Variants in WDR64 observed in about 807,000 individuals in gnomAD.
WDR64 encodes WD repeat-containing protein 64.
WDR64 carries 112 observed loss-of-function variants against 139.3 expected under a neutral mutation model. The ratio of observed to expected loss-of-function variants is 0.80; its 90% CI spans 0.69 to 0.94. WDR64 has a LOEUF of 0.94. Among genes scored for constraint, WDR64 ranks in the 40% least tolerant of loss-of-function variants. The probability of loss-of-function intolerance (pLI) is 0.00; values close to 1 mark genes in which losing one functional copy is unlikely to be tolerated. For missense variants in WDR64, 1,206 were observed against 1,293.1 expected (o/e 0.93, Z 1.03); for synonymous variants, 444 against 437.7 (o/e 1.01, Z -0.18).
chr1:241,688,928 C>G (rs1417028209), intron 8 of WDR64, among the ~76,000 whole-genome samples: 1 of 152,078 alleles, frequency 6.6e-6, no homozygotes, highest in Non-Finnish European at 1.5e-5. Flanking sequence ...GAAAAGGCAC[C>G]ATTTTGAAAC....
chr1:241,783,353 C>T lies in WDR64; in HGVS notation c.2677C>T (p.Leu893Phe). ...VIYVEEKQVV[L>F]TASIDGSVRL... ...CTATGTAGAAGAAAAACAAGTGGTA[C>T]TTACTGCCTCCATCGATGGCTCAGT... The change falls in exon 23 of 28, where the codon CTT (leucine) becomes TTT (phenylalanine). Residue 893 changes from leucine to phenylalanine, a missense_variant. Physicochemically the swap from Leu to Phe is conservative, Grantham distance 22 (BLOSUM62 0). Transcript: ENST00000437684. The T allele has an allele frequency of 6.2e-7, 1 of 1,614,004 alleles. No individual in the cohort carries two copies. The highest frequency in any genetic ancestry group is 8.5e-7 in the Non-Finnish European group (1 of 1,179,960).
intron 9 of WDR64, among the ~76,000 whole-genome samples, chr1:241,715,548 G>A (rs1010469572): frequency 1.3e-5 from 2 of 152,136 alleles, no homozygotes; most frequent in Non-Finnish European, 2.9e-5. Context: ...TCCTCCTGTC[G>A]CCGTTGCATG....
At chr1:241,728,734 C>A (rs1156902510) in intron 10 of WDR64, among the ~76,000 whole-genome samples, 2 of 152,072 alleles carry the variant, frequency 1.3e-5, no homozygotes, top group African/African-American at 4.8e-5. Context: ...TCTTCACTTA[C>A]TTTCATTTCA....
intron 21 of WDR64, among the ~76,000 whole-genome samples, chr1:241,779,565 C>T (rs762296198): frequency 5.3e-5 from 8 of 152,162 alleles, no homozygotes; most frequent in Non-Finnish European, 1.0e-4. Context: ...GAGGCCCATG[C>T]CTGTAATCCC....
Position 241,688,374 on chromosome 1 carries a change from C to T in WDR64, c.974+779C>T, listed in dbSNP as rs1051478156. Among the ~76,000 whole-genome samples, 3 of 152,142 alleles carry T rather than the reference C, an allele frequency of 2.0e-5. No homozygotes were observed. The Middle Eastern group carries it at 0.01, about 521-fold the overall frequency. The stretch of plus-strand genomic sequence containing the variant: ...CGACTGTTGATTGTTACACAATTCT[C>T]TAAATTTACTAAAAATTATTGAGTT... On this transcript the variant is annotated intron_variant, in intron 8 of 27. Coordinates refer to ENST00000437684, the MANE Select transcript of WDR64 (RefSeq NM_001367482.1).
chr1:241,769,452 G>T lies in WDR64; in HGVS notation c.2130G>T (p.Lys710Asn). The T allele has an allele frequency of 3.9e-6, 6 of 1,551,444 alleles. No individual in the cohort carries two copies. Among genetic ancestry groups the T allele is most frequent in the Non-Finnish European group, 5.2e-6 (6 of 1,146,976 alleles). The change falls in exon 17 of 28, where the codon AAG (lysine) becomes AAT (asparagine). Residue 710 changes from lysine to asparagine, a missense_variant. Transcript: ENST00000437684. ...CTGTAAACCCTGACTTGCATCCCAA[G>T]CACTTTAAAATTAATGACATACTGT... ...CFTVNPDLHPKHFKINDILFL... is the reference protein window; with the variant it reads ...CFTVNPDLHPNHFKINDILFL...
chr1:241,659,833 A>C (rs541798038), intron 1 of WDR64, among the ~76,000 whole-genome samples: 3 of 152,278 alleles, frequency 2.0e-5, no homozygotes, highest in Admixed American at 2.0e-4. Flanking sequence ...GATAGATTGC[A>C]AAAATTTTCT....
chr1:241,663,045 A>G (rs893763651), intron 2 of WDR64, among the ~76,000 whole-genome samples: 1 of 152,218 alleles, frequency 6.6e-6, no homozygotes, highest in Non-Finnish European at 1.5e-5. Flanking sequence ...ACATGGAAGA[A>G]TCAATAATTT....
At chr1:241,736,887 T>A (rs1669349132) in intron 10 of WDR64, among the ~76,000 whole-genome samples, 1 of 152,180 alleles carries the variant, frequency 6.6e-6, no homozygotes, top group African/African-American at 2.4e-5. Flanking sequence ...ACCCTAATCC[T>A]CCTTTGCCTA....
chr1:241,729,398 T>C (rs1239416907), intron 10 of WDR64, among the ~76,000 whole-genome samples: 1 of 152,216 alleles, frequency 6.6e-6, no homozygotes. Context: ...TGTCATTGCC[T>C]TCTCACATAT....
At chr1:241,696,824 T>C (rs12136767) in intron 8 of WDR64, among the ~76,000 whole-genome samples, 40,114 of 152,056 alleles carry the variant, frequency 0.26, 5,651 homozygotes, top group Non-Finnish European at 0.32. Context: ...GGGACCTGTA[T>C]CTTGTGTTGA....
At chr1:241,746,893 G>A (rs542898377) in intron 13 of WDR64, among the ~76,000 whole-genome samples, 1 of 151,970 alleles carries the variant, frequency 6.6e-6, no homozygotes, top group East Asian at 1.9e-4. Context: ...CTGAGTAGCT[G>A]GGACTACAGA....
chr1:241,654,429 A>G (rs1665494231), intron 1 of WDR64, among the ~76,000 whole-genome samples: 1 of 152,226 alleles, frequency 6.6e-6, no homozygotes, highest in African/African-American at 2.4e-5. Context: ...TATAGTTGCC[A>G]AATTCAATAA....
chr1:241,670,660 T>C (rs1666190852), intron 2 of WDR64, among the ~76,000 whole-genome samples: 1 of 152,102 alleles, frequency 6.6e-6, no homozygotes, highest in African/African-American at 2.4e-5. Flanking sequence ...AGGTGATCAG[T>C]GGGGGAGAGA....
intron 7 of WDR64, among the ~76,000 whole-genome samples, chr1:241,685,630 T>C (rs1574007064): frequency 1.3e-5 from 2 of 152,200 alleles, no homozygotes; most frequent in East Asian, 3.9e-4. Flanking sequence ...AACAAATACT[T>C]TATCCCAGAG....
chr1:241,792,972 G>C (rs972053971), intron 25 of WDR64, among the ~76,000 whole-genome samples: 1 of 152,180 alleles, frequency 6.6e-6, no homozygotes, highest in Non-Finnish European at 1.5e-5. Context: ...CCTGAAAGCA[G>C]CCTAAGTGCT....
intron 10 of WDR64, among the ~76,000 whole-genome samples, chr1:241,726,733 A>G (rs571319140): frequency 1.3e-5 from 2 of 149,352 alleles, no homozygotes; most frequent in African/African-American, 4.9e-5. Flanking sequence ...ATCAATTTTA[A>G]AACATAACGT....
chr1:241,655,711 T>TTTTTC (rs1665567658), intron 1 of WDR64, among the ~76,000 whole-genome samples: 2 of 27,208 alleles, frequency 7.4e-5, no homozygotes, highest in African/African-American at 2.2e-4. Flanking sequence ...TTTTCTTTTT[T>TTTTTC]TTTTTTTGAT....
chr1:241,769,382 A>G (rs1357215345), intron 16 of WDR64, 22 bp from the exon 17 acceptor site: 1 of 1,542,324 alleles, frequency 6.5e-7, no homozygotes, highest in Non-Finnish European at 8.8e-7. Context: ...TTTTTCTCAT[A>G]TAAATGTATA....
Sources: allele counts gnomAD v4.1 joint callset (sites outside exome capture counted in the v4.1 genomes callset), GRCh38; gene constraint gnomAD v4.1.1; transcripts MANE v1.5; gene names NCBI Gene and HGNC (gene_info 2026-07-23, HGNC 2026-07-21).